The following USP53 variants were observed in gnomAD, a reference collection of about 807,000 sequenced individuals.
The protein encoded by USP53 is ubiquitin carboxyl-terminal hydrolase 53.
In USP53, 71 loss-of-function variants were observed where a neutral mutation model predicts 94.9. The ratio of observed to expected loss-of-function variants is 0.75; its 90% CI spans 0.62 to 0.91. The LOEUF (loss-of-function observed/expected upper bound fraction) is 0.91, where lower values mean the gene tolerates loss of function less well. Among genes scored for constraint, USP53 ranks in the 40% least tolerant of loss-of-function variants. The pLI is 0.00. For synonymous variants in USP53, 375 were observed against 422.7 expected (o/e 0.89, Z 1.39); for missense variants, 1,173 against 1,281.0 (o/e 0.92, Z 1.29).
rs571251608 is a variant in USP53, at chr4:119,253,342, G to A, written c.373-2904G>A. ...TGTTAAAGTCTCCCATTATTATTGC[G>A]TGGGAGTCTAAGTCCCTTTGTAGAA... On this transcript the variant is annotated intron_variant, in intron 7 of 18. Coordinates refer to ENST00000692078, the MANE Select transcript of USP53 (RefSeq NM_001371395.1). Among the ~76,000 whole-genome samples, 82 of 152,200 alleles carry A rather than the reference G, an allele frequency of 5.4e-4. 1 individual carries two copies. Among genetic ancestry groups the A allele is most frequent in the Admixed American group, 4.8e-3 (73 of 15,290 alleles).
Position 119,239,328 on chromosome 4 carries a change from C to T in USP53, c.-432C>T. 1 of 159,852 alleles carries T rather than the reference C, an allele frequency of 6.3e-6. No homozygotes were observed. The highest frequency in any genetic ancestry group is 1.4e-5 in the Non-Finnish European group (1 of 73,416). 9.9% of individuals were successfully genotyped at this position (159,852 alleles called of 1,614,324 possible). On this transcript the variant is annotated 5_prime_UTR_variant, in exon 5 of 19. Coordinates refer to ENST00000692078, the MANE Select transcript of USP53 (RefSeq NM_001371395.1). ...AAAAAACATAAGGAAAACAAACAACCAAAGGAATCATGCCAAATGCCAACT... is the reference window on the plus strand; with the variant it reads ...AAAAAACATAAGGAAAACAAACAACTAAAGGAATCATGCCAAATGCCAACT...
intron 17 of USP53, among the ~76,000 whole-genome samples, chr4:119,280,154 T>G (rs761003383): frequency 6.6e-6 from 1 of 152,176 alleles, no homozygotes; most frequent in Non-Finnish European, 1.5e-5. Flanking sequence ...CATGTGCTGT[T>G]TGGATATGTC....
intron 16 of USP53, 67 bp from the exon 17 acceptor site, chr4:119,273,565 T>TG: frequency 7.8e-7 from 1 of 1,277,578 alleles, no homozygotes; most frequent in Non-Finnish European, 1.1e-6. Flanking sequence ...CAAATGTTGT[T>TG]TTTTTTTAGA....
At chr4:119,223,481 A>G (rs964754189) in intron 3 of USP53, among the ~76,000 whole-genome samples, 1 of 152,176 alleles carries the variant, frequency 6.6e-6, no homozygotes, top group African/African-American at 2.4e-5. Flanking sequence ...GCATATCCCA[A>G]TTTGAAGATC....
Position 119,294,585 on chromosome 4 carries a change from A to G in USP53, c.*1374A>G, listed in dbSNP as rs1030691114. 1 of 152,136 alleles carries G rather than the reference A, an allele frequency of 6.6e-6. No homozygotes were observed. Among genetic ancestry groups the G allele is most frequent in the Non-Finnish European group, 1.5e-5 (1 of 67,966 alleles). The allele number at this position is 152,136 out of a possible 1,614,324, so 9.4% of individuals were successfully genotyped here. On this transcript the variant is annotated 3_prime_UTR_variant, in exon 19 of 19. Coordinates refer to ENST00000692078, the MANE Select transcript of USP53 (RefSeq NM_001371395.1). ...GAAACAGAACTAAAGTTTTCCTTAC[A>G]TTGCTAAATGGATAAACCTCATATT...
chr4:119,220,302 C>T (rs1005545957), intron 3 of USP53: 3 of 152,038 alleles, frequency 2.0e-5, no homozygotes, highest in Non-Finnish European at 4.4e-5. Flanking sequence ...AGGGAAATTG[C>T]TGAGTTTTTC....
At chr4:119,289,560 T>C (rs1754498608) in intron 17 of USP53, among the ~76,000 whole-genome samples, 5 of 152,248 alleles carry the variant, frequency 3.3e-5, no homozygotes, top group Non-Finnish European at 5.9e-5. Context: ...AAACTGTAGC[T>C]ATCATTATTG....
chr4:119,261,864 G>T lies in USP53; in HGVS notation c.972G>T (p.Glu324Asp). 1 of 1,450,284 alleles carries T rather than the reference G, an allele frequency of 6.9e-7. No individual in the cohort carries two copies. The highest frequency in any genetic ancestry group is 9.2e-7 in the Non-Finnish European group (1 of 1,084,806). 89.8% of individuals were successfully genotyped at this position (1,450,284 alleles called of 1,614,324 possible). A position where few individuals can be genotyped will look rare whatever the true frequency, so the allele number is the denominator to read the frequency against. ...WVFFDDANVK[E>D]IGTRWKDVVS... ...TTTTTGATGATGCAAATGTGAAAGA[G>T]GTAAGTGACACTTTCTTTAATTGAA... The change falls in exon 12 of 19, where the codon GAG becomes GAT. Residue 324 changes from glutamate to aspartate, a missense_variant and splice_region_variant. Glu to Asp is a conservative substitution (Grantham distance 45). Transcript: ENST00000692078.
At chr4:119,254,906 G>T (rs540804575) in intron 7 of USP53, among the ~76,000 whole-genome samples, 106 of 152,224 alleles carry the variant, frequency 7.0e-4, no homozygotes, top group Non-Finnish European at 1.5e-3. Context: ...ATGGTGTTTT[G>T]GTGTGGATGT....
At chr4:119,214,347 GATTT>G (rs1206807004) in intron 2 of USP53, 125 bp downstream of exon 2, 4 of 152,048 alleles carry the variant, frequency 2.6e-5, no homozygotes. Context: ...CCATGAAAGT[GATTT>G]ATTAAGATTT....
At chr4:119,248,639 T>C in intron 6 of USP53, 109 bp from the exon 7 acceptor site, 1 of 1,317,106 alleles carries the variant, frequency 7.6e-7, no homozygotes, top group Non-Finnish European at 1.0e-6. Context: ...AAAAGACTTC[T>C]GTATTATTTT....
chr4:119,248,992 A>G, intron 7 of USP53, 110 bp downstream of exon 7: 2 of 1,382,616 alleles, frequency 1.4e-6, no homozygotes, highest in Non-Finnish European at 2.0e-6. Context: ...GAAAAATGTC[A>G]AAACTGTCCA....
intron 3 of USP53, among the ~76,000 whole-genome samples, chr4:119,221,646 C>T (rs1378989624): frequency 3.3e-5 from 5 of 152,066 alleles, no homozygotes; most frequent in Non-Finnish European, 7.4e-5. Flanking sequence ...TTGCTGTAAA[C>T]GGGGAACTTG....
chr4:119,232,603 A>G (rs1447409974), intron 3 of USP53, among the ~76,000 whole-genome samples: 1 of 152,054 alleles, frequency 6.6e-6, no homozygotes, highest in Non-Finnish European at 1.5e-5. Context: ...TCTGTTAGCT[A>G]TTTTCTTCAC....
chr4:119,215,295 T>G (rs1029243963), intron 2 of USP53, among the ~76,000 whole-genome samples: 3 of 152,236 alleles, frequency 2.0e-5, no homozygotes, highest in Non-Finnish European at 4.4e-5. Flanking sequence ...AATTTTGCAT[T>G]ATGGTATTTG....
At chr4:119,223,346 A>G (rs917058056) in intron 3 of USP53, among the ~76,000 whole-genome samples, 1 of 152,300 alleles carries the variant, frequency 6.6e-6, no homozygotes, top group Non-Finnish European at 1.5e-5. Context: ...AGAACTACAG[A>G]CGAATCGTTA....
intron 5 of USP53, among the ~76,000 whole-genome samples, chr4:119,243,428 G>GT (rs756195927): frequency 2.0e-5 from 3 of 152,130 alleles, no homozygotes; most frequent in Non-Finnish European, 4.4e-5. Flanking sequence ...AACCCAGGAG[G>GT]TGGAGGTTGC....
At chr4:119,234,128 ATCTCCTGTAC>A (rs1192477829) in intron 3 of USP53, among the ~76,000 whole-genome samples, 3 of 152,098 alleles carry the variant, frequency 2.0e-5, no homozygotes, top group African/African-American at 7.2e-5. Context: ...TGATATAATA[ATCTCCTGTAC>A]TCTTCAGATG....
At chr4:119,243,512 A>T (rs1236891420) in intron 5 of USP53, among the ~76,000 whole-genome samples, 1 of 152,160 alleles carries the variant, frequency 6.6e-6, no homozygotes, top group Admixed American at 6.5e-5. Context: ...ATAAATAAAT[A>T]AAAATAAAAT....
Sources: gnomAD v4.1 joint callset for allele counts (sites outside exome capture counted in the v4.1 genomes callset) on GRCh38, gnomAD v4.1.1 for gene constraint, MANE v1.5 for transcripts, NCBI Gene and HGNC (gene_info 2026-07-23, HGNC 2026-07-21) for gene names.